The following EPHB1 variants were observed in gnomAD, a reference collection of about 807,000 sequenced individuals.
The protein encoded by EPHB1 is EPH receptor B1.
Under a neutral mutation model 94.4 loss-of-function variants are expected in EPHB1, and 30 were observed. That is an observed-to-expected ratio of 0.32 (90% CI 0.24 to 0.43). EPHB1 has a LOEUF of 0.43. Among genes scored for constraint, EPHB1 ranks in the 20% least tolerant of loss-of-function variants. The pLI is 1.00. For missense variants in EPHB1, 1,055 were observed against 1,308.3 expected, an observed-to-expected ratio of 0.81 and a Z score of 2.99; for synonymous variants, 522 against 489.1, an observed-to-expected ratio of 1.07 and a Z score of -0.89.
At chr3:135,140,180 C>T (rs1395754341) in intron 5 of EPHB1, among the ~76,000 whole-genome samples, 1 of 152,104 alleles carries the variant, frequency 6.6e-6, no homozygotes, top group South Asian at 2.1e-4. Flanking sequence ...AGAGGGGACA[C>T]CAGTTGGATT....
chr3:134,969,434 C>T (rs1007413640), intron 3 of EPHB1, among the ~76,000 whole-genome samples: 1 of 152,182 alleles, frequency 6.6e-6, no homozygotes, highest in Non-Finnish European at 1.5e-5. Context: ...GAGAGGCTGC[C>T]TCTTCTCTTA....
At chr3:134,837,619 A>G (rs1256207047) in intron 1 of EPHB1, among the ~76,000 whole-genome samples, 1 of 152,224 alleles carries the variant, frequency 6.6e-6, no homozygotes, top group Non-Finnish European at 1.5e-5. Context: ...AGTAGGGAGA[A>G]GAAAGGCATA....
chr3:135,253,517 A>G (rs1458965500), intron 15 of EPHB1, among the ~76,000 whole-genome samples: 2 of 151,876 alleles, frequency 1.3e-5, no homozygotes, highest in East Asian at 1.9e-4. Flanking sequence ...AAGATCAGAT[A>G]GTCGTAGATA....
At chr3:135,148,722 G>A (rs1364275800) in intron 5 of EPHB1, among the ~76,000 whole-genome samples, 1 of 152,132 alleles carries the variant, frequency 6.6e-6, no homozygotes, top group Non-Finnish European at 1.5e-5. Flanking sequence ...TACTATCTTG[G>A]ATCTGTCTGC....
At chr3:135,150,486 C>T (rs975901172) in intron 5 of EPHB1, among the ~76,000 whole-genome samples, 4 of 152,212 alleles carry the variant, frequency 2.6e-5, no homozygotes, top group African/African-American at 9.7e-5. Flanking sequence ...GATCACAGGC[C>T]ATTCACATAT....
At chr3:135,257,569 G>T (rs1243183021) in intron 15 of EPHB1, among the ~76,000 whole-genome samples, 1 of 152,034 alleles carries the variant, frequency 6.6e-6, no homozygotes, top group African/African-American at 2.4e-5. Context: ...GAGGCAGTCT[G>T]CCCGTTCTCA....
At chr3:134,896,670 G>C (rs2038092641) in intron 1 of EPHB1, among the ~76,000 whole-genome samples, 1 of 152,208 alleles carries the variant, frequency 6.6e-6, no homozygotes, top group South Asian at 2.1e-4. Context: ...TCCACACCCT[G>C]CTCTCTGCTC....
rs574671328 is a variant in EPHB1, at chr3:135,044,684, C to T, written c.806-61764C>T. ...ATAGGCAAAGGTCTCAGCACAATGTCTATTCTTGAGCAAATGCTTAATAAA... is the reference window on the plus strand; with the variant it reads ...ATAGGCAAAGGTCTCAGCACAATGTTTATTCTTGAGCAAATGCTTAATAAA... On this transcript the variant is annotated intron_variant, in intron 3 of 15. Transcript: ENST00000398015. Among the ~76,000 whole-genome samples, 7 of 152,266 alleles carry T rather than the reference C, an allele frequency of 4.6e-5. No homozygotes were observed. In the East Asian group the frequency reaches 9.7e-4, roughly 21 times the overall value.
chr3:134,956,057 T>C (rs1293396520), intron 3 of EPHB1, among the ~76,000 whole-genome samples: 1 of 152,044 alleles, frequency 6.6e-6, no homozygotes, highest in Non-Finnish European at 1.5e-5. Context: ...GCCTAAAATA[T>C]TGCTTTAGCT....
At chr3:135,054,989 TAATG>T (rs1374303053) in intron 3 of EPHB1, among the ~76,000 whole-genome samples, 3 of 152,206 alleles carry the variant, frequency 2.0e-5, no homozygotes, top group Non-Finnish European at 4.4e-5. Flanking sequence ...AAGTGAGACA[TAATG>T]AAGAAGTAGG....
chr3:135,153,513 T>C (rs1483759001), intron 5 of EPHB1, among the ~76,000 whole-genome samples: 1 of 152,278 alleles, frequency 6.6e-6, no homozygotes, highest in Non-Finnish European at 1.5e-5. Context: ...TCATTTATAC[T>C]TGTGAACTCC....
At chr3:135,031,047 T>G (rs974531006) in intron 3 of EPHB1, among the ~76,000 whole-genome samples, 1 of 152,232 alleles carries the variant, frequency 6.6e-6, no homozygotes, top group African/African-American at 2.4e-5. Context: ...CCCCTTGCGC[T>G]TCCCGAGTCA....
chr3:134,876,200 A>G (rs913281123), intron 1 of EPHB1, among the ~76,000 whole-genome samples: 1 of 151,980 alleles, frequency 6.6e-6, no homozygotes, highest in Non-Finnish European at 1.5e-5. Flanking sequence ...GGTTAAACTC[A>G]CCAGTGATGA....
intron 3 of EPHB1, among the ~76,000 whole-genome samples, chr3:135,053,001 G>A (rs1937227079): frequency 2.1e-5 from 2 of 95,378 alleles, no homozygotes; most frequent in South Asian, 3.3e-4. Flanking sequence ...ATATATATGT[G>A]TGTGTATATA....
chr3:134,803,816 T>G (rs1287242659), intron 1 of EPHB1, among the ~76,000 whole-genome samples: 1 of 152,184 alleles, frequency 6.6e-6, no homozygotes, highest in Non-Finnish European at 1.5e-5. Flanking sequence ...TAGTTGTGAA[T>G]TAAATCAGTG....
Position 134,920,970 on chromosome 3 carries a change from A to G in EPHB1, c.59-4846A>G, listed in dbSNP as rs186243462. Among the ~76,000 whole-genome samples the G allele has an allele frequency of 2.0e-5, 3 of 152,164 alleles. No individual in the cohort carries two copies. In the East Asian group the frequency reaches 5.8e-4, roughly 29 times the overall value. On this transcript the variant is annotated intron_variant, in intron 1 of 15. Transcript: ENST00000398015. ...TGTTATGTTGCTCAGGTTGGTCTCA[A>G]ACTCTGGGTTCAAGAGATGTCCCAC...
intron 5 of EPHB1, among the ~76,000 whole-genome samples, chr3:135,142,507 C>T (rs1190473817): frequency 6.6e-6 from 1 of 151,968 alleles, no homozygotes; most frequent in Non-Finnish European, 1.5e-5. Flanking sequence ...AAAGATGGAG[C>T]CTAAGATGGA....
chr3:134,914,954 C>T (rs529327303), intron 1 of EPHB1, among the ~76,000 whole-genome samples: 1 of 152,232 alleles, frequency 6.6e-6, no homozygotes, highest in Admixed American at 6.5e-5. Context: ...ATGCCTCTCT[C>T]TGCCCAGGAC....
rs1243058951 is a variant in EPHB1 at position 134,795,503 on chromosome 3, C to G, written c.-129C>G. 1 of 886,122 alleles carries G rather than the reference C, an allele frequency of 1.1e-6. No individual in the cohort carries two copies. The highest frequency in any genetic ancestry group is 1.7e-5 in the South Asian group (1 of 58,900). The allele number at this position is 886,122 out of a possible 1,614,324, so 54.9% of individuals were successfully genotyped here. A position where few individuals can be genotyped will look rare whatever the true frequency, so the allele number is the denominator to read the frequency against. On this transcript the variant is annotated 5_prime_UTR_variant, in exon 1 of 16. Coordinates refer to ENST00000398015, the MANE Select transcript of EPHB1 (RefSeq NM_004441.5). ...CGCCCACGCAGCGCTCCGGGAAGTCCGGTCCGGGCGAGAGCGCGAAAGGAT... is the reference window on the plus strand; with the variant it reads ...CGCCCACGCAGCGCTCCGGGAAGTCGGGTCCGGGCGAGAGCGCGAAAGGAT...
Sources: gnomAD v4.1 joint callset for allele counts (sites outside exome capture counted in the v4.1 genomes callset) on GRCh38, gnomAD v4.1.1 for gene constraint, MANE v1.5 for transcripts, NCBI Gene and HGNC (gene_info 2026-07-23, HGNC 2026-07-21) for gene names.